Variants in TMEFF1 observed in about 807,000 individuals in gnomAD.
TMEFF1 encodes the protein transmembrane protein with EGF like and two follistatin like domains 1.
A neutral mutation model predicts 47.5 loss-of-function variants in TMEFF1; 20 were observed. The observed-to-expected ratio is 0.42, with a 90% CI of 0.30 to 0.61. TMEFF1 has a LOEUF of 0.61. Among genes scored for constraint, TMEFF1 ranks in the 20% least tolerant of loss-of-function variants. The pLI is 0.19. For missense variants in TMEFF1, 411 were observed against 471.1 expected (o/e 0.87, Z 1.18); for synonymous variants, 162 against 166.3 (o/e 0.97, Z 0.20).
chr9:100,523,960 A>G (rs1357771722), intron 5 of TMEFF1, among the ~76,000 whole-genome samples: 1 of 152,188 alleles, frequency 6.6e-6, no homozygotes, highest in Non-Finnish European at 1.5e-5. Context: ...ATATGCATTC[A>G]TGCCTTCGAA....
chr9:100,476,715 G>C (rs559315389), intron 1 of TMEFF1, among the ~76,000 whole-genome samples: 1 of 61,538 alleles, frequency 1.6e-5, no homozygotes, highest in Non-Finnish European at 3.3e-5. Context: ...TTTTTTTTTT[G>C]AGACGGAGTC....
chr9:100,536,412 A>C (rs1347684913), intron 5 of TMEFF1, among the ~76,000 whole-genome samples: 2 of 152,222 alleles, frequency 1.3e-5, no homozygotes, highest in African/African-American at 4.8e-5. Flanking sequence ...GGAACAAAAA[A>C]AACGAAGAGA....
rs561419006 is a variant in TMEFF1, at chr9:100,473,208, G to C, written c.-337G>C. ...AAAGGGAAGGCGAGGAGGCGAGCAA[G>C]AGGCTGGGCCTGCCTCCGGCCCGCG... On this transcript the variant is annotated 5_prime_UTR_variant, in exon 1 of 10. Coordinates refer to ENST00000374879, the MANE Select transcript of TMEFF1 (RefSeq NM_003692.5). This position sits in a 1 kb window ranked among gnomAD's most constrained non-coding sequence, Gnocchi z 5.4. The C allele has an allele frequency of 1.3e-5, 2 of 150,274 alleles. No homozygotes were observed. Among genetic ancestry groups the C allele is most frequent in the Non-Finnish European group, 3.0e-5 (2 of 67,068 alleles). The allele number at this position is 150,274 out of a possible 1,614,324, so 9.3% of individuals were successfully genotyped here.
At chr9:100,559,557 G>T (rs1838975950) in intron 7 of TMEFF1, among the ~76,000 whole-genome samples, 1 of 152,006 alleles carries the variant, frequency 6.6e-6, no homozygotes, top group South Asian at 2.1e-4. Flanking sequence ...TTTAATATTG[G>T]TAGTATGTGA....
chr9:100,486,142 G>C (rs1837444573), intron 1 of TMEFF1, among the ~76,000 whole-genome samples: 1 of 151,552 alleles, frequency 6.6e-6, no homozygotes, highest in African/African-American at 2.4e-5. Context: ...TATATAATCT[G>C]TGTAGAAAAT....
intron 7 of TMEFF1, among the ~76,000 whole-genome samples, chr9:100,560,480 A>G (rs1838995579): frequency 6.6e-6 from 1 of 152,142 alleles, no homozygotes; most frequent in South Asian, 2.1e-4. Context: ...GGATTAATGT[A>G]TTGGTGCATA....
chr9:100,513,409 TTA>T, intron 4 of TMEFF1, 76 bp downstream of exon 4: 1 of 1,447,506 alleles, frequency 6.9e-7, no homozygotes, highest in Non-Finnish European at 9.2e-7. Context: ...TTTTTTTTTT[TTA>T]AATCAGCTTT....
chr9:100,511,523 G>A (rs1837966449), intron 3 of TMEFF1, among the ~76,000 whole-genome samples: 1 of 152,198 alleles, frequency 6.6e-6, no homozygotes, highest in South Asian at 2.1e-4. Flanking sequence ...TATTTTCTGA[G>A]TGGGCAGTGT....
intron 5 of TMEFF1, among the ~76,000 whole-genome samples, chr9:100,547,206 G>A (rs1207484482): frequency 6.6e-6 from 1 of 151,926 alleles, no homozygotes; most frequent in Non-Finnish European, 1.5e-5. Context: ...TGTAGAGATG[G>A]GGTCTTGCTT....
intron 1 of TMEFF1, among the ~76,000 whole-genome samples, chr9:100,484,561 C>T (rs572080345): frequency 2.4e-4 from 36 of 149,404 alleles, no homozygotes; most frequent in Middle Eastern, 3.8e-3. Flanking sequence ...TCAGGTGATC[C>T]GCCTGCCTTG....
intron 7 of TMEFF1, among the ~76,000 whole-genome samples, chr9:100,552,637 C>T (rs1243263999): frequency 6.6e-6 from 1 of 152,098 alleles, no homozygotes; most frequent in African/African-American, 2.4e-5. Flanking sequence ...TAGCTACTGG[C>T]CACATGTAGC....
chr9:100,541,374 T>C (rs1838626362), intron 5 of TMEFF1, among the ~76,000 whole-genome samples: 1 of 147,576 alleles, frequency 6.8e-6, no homozygotes, highest in African/African-American at 2.5e-5. Context: ...TTTCTTTCTT[T>C]CTTTTTTTTT....
chr9:100,525,943 A>G (rs996925397), intron 5 of TMEFF1, among the ~76,000 whole-genome samples: 2 of 152,116 alleles, frequency 1.3e-5, no homozygotes, highest in African/African-American at 4.8e-5. Context: ...TATTTCTTCT[A>G]TTTTTGCTTC....
At chr9:100,563,385 G>T (rs1472903069) in intron 8 of TMEFF1, among the ~76,000 whole-genome samples, 1 of 152,228 alleles carries the variant, frequency 6.6e-6, no homozygotes, top group East Asian at 1.9e-4. Flanking sequence ...AATGAAGGAC[G>T]AGAGAGAGGA....
chr9:100,511,072 A>G (rs1012137811), intron 3 of TMEFF1, among the ~76,000 whole-genome samples: 28 of 152,200 alleles, frequency 1.8e-4, no homozygotes, highest in Admixed American at 1.8e-3. Context: ...AGGAAGGCCA[A>G]ATTCTTTCTA....
chr9:100,496,651 G>A (rs535195932), intron 1 of TMEFF1, among the ~76,000 whole-genome samples: 3 of 152,306 alleles, frequency 2.0e-5, no homozygotes, highest in African/African-American at 7.2e-5. Flanking sequence ...ACTCCTGGTG[G>A]CAGGGATGGT....
At chr9:100,561,324 C>T in intron 7 of TMEFF1, 73 bp from the exon 8 acceptor site, 2 of 1,561,548 alleles carry the variant, frequency 1.3e-6, no homozygotes, top group Non-Finnish European at 1.7e-6. Flanking sequence ...TTTGCTGTTT[C>T]AGAACATTTG....
intron 5 of TMEFF1, among the ~76,000 whole-genome samples, chr9:100,541,348 A>ATTT (rs34971752): frequency 1.9e-5 from 2 of 106,792 alleles, no homozygotes; most frequent in Non-Finnish European, 2.0e-5. Context: ...TGGCAATTTC[A>ATTT]TTTTTTTTTT....
chr9:100,563,698 T>C (rs1339786762), intron 8 of TMEFF1, among the ~76,000 whole-genome samples: 1 of 152,208 alleles, frequency 6.6e-6, no homozygotes, highest in Non-Finnish European at 1.5e-5. Context: ...TTGATATCAT[T>C]ATACTCTAAG....
Sources: allele counts gnomAD v4.1 joint callset (sites outside exome capture counted in the v4.1 genomes callset), GRCh38; gene constraint gnomAD v4.1.1; non-coding constraint Gnocchi (gnomAD v3.1); transcripts MANE v1.5; gene names NCBI Gene and HGNC (gene_info 2026-07-23, HGNC 2026-07-21).